Variants in TRPM3 observed in about 807,000 individuals in gnomAD.
TRPM3 encodes the protein long transient receptor potential channel 3.
TRPM3 carries 77 observed loss-of-function variants against 181.2 expected under a neutral mutation model. The ratio of observed to expected loss-of-function variants is 0.42; its 90% confidence interval spans 0.35 to 0.51. The LOEUF (loss-of-function observed/expected upper bound fraction) is 0.51. Among genes scored for constraint, TRPM3 ranks in the 20% least tolerant of loss-of-function variants. The pLI is 0.01. For missense variants in TRPM3, 1,759 were observed against 2,196.7 expected, an observed-to-expected ratio of 0.80 and a Z score of 3.98; for synonymous variants, 745 against 796.4, an observed-to-expected ratio of 0.94 and a Z score of 1.09.
chr9:71,029,324 C>A (rs1208386497), intron 1 of TRPM3, among the ~76,000 whole-genome samples: 1 of 152,034 alleles, frequency 6.6e-6, no homozygotes. Context: ...AAAGTACTCA[C>A]ATGAAGAGAG....
At chr9:71,249,940 T>C (rs925502343) in intron 1 of TRPM3, among the ~76,000 whole-genome samples, 6 of 152,230 alleles carry the variant, frequency 3.9e-5, no homozygotes, top group African/African-American at 1.4e-4. Flanking sequence ...CATCACCATC[T>C]GGTGGTCAAT....
chr9:71,286,965 A>ATATAATTATATTATATAATATAATTATAT (rs2085333100), intron 1 of TRPM3, among the ~76,000 whole-genome samples: 1 of 125,140 alleles, frequency 8.0e-6, no homozygotes, highest in Non-Finnish European at 1.7e-5. Flanking sequence ...TATAAATTAT[A>ATATAATTATATTATATAATATAATTATAT]TATAATATAA....
intron 1 of TRPM3, among the ~76,000 whole-genome samples, chr9:70,896,716 A>G (rs113106517): frequency 0.098 from 14,836 of 151,944 alleles, 948 homozygotes; most frequent in Non-Finnish European, 0.15. Context: ...ATAAAAGCCT[A>G]AAGTGTTCAT....
intron 1 of TRPM3, among the ~76,000 whole-genome samples, chr9:70,983,468 T>C (rs1023347098): frequency 2.0e-5 from 3 of 152,146 alleles, no homozygotes; most frequent in African/African-American, 7.2e-5. Flanking sequence ...GTGCCAGCAT[T>C]TTCTCTCTCT....
rs193300785 is a variant in TRPM3 at position 70,532,977 on chromosome 9, A to C, written c.*2976T>G. ...ATAACACACATACATGTGCACAGGA[A>C]GGAAATGGCTCATGGAAGTTACACA... On this transcript the variant is annotated 3_prime_UTR_variant, in exon 26 of 26. Transcript: ENST00000677713. 6.6e-6 allele frequency: 1 copy of C among 152,366 alleles called. No individual in the cohort carries two copies. Among genetic ancestry groups the C allele is most frequent in the Non-Finnish European group, 1.5e-5 (1 of 68,042 alleles). 9.4% of individuals were successfully genotyped at this position (152,366 alleles called of 1,614,324 possible). A position where few individuals can be genotyped will look rare whatever the true frequency, so the allele number is the denominator to read the frequency against.
chr9:71,307,832 C>T (rs897930347), intron 1 of TRPM3, among the ~76,000 whole-genome samples: 15 of 152,184 alleles, frequency 9.9e-5, no homozygotes, highest in African/African-American at 2.9e-4. Context: ...CAATTTGCTA[C>T]TATTATAAAT....
rs574256536 is a variant in TRPM3 at position 71,062,096 on chromosome 9, G to A, written c.177+59082C>T. Among the ~76,000 whole-genome samples the A allele has an allele frequency of 3.9e-5, 6 of 152,062 alleles. No individual in the cohort carries two copies. The South Asian group carries it at 1.0e-3, about 26-fold the overall frequency. On this transcript the variant is annotated intron_variant, in intron 1 of 25. Transcript: ENST00000677713. ...ACCCTAGAACCTAGAAATATCTTCC[G>A]TGGTCCACAGCTGGGTAATAAAAAT... is the stretch of plus-strand genomic sequence containing the variant.
intron 1 of TRPM3, among the ~76,000 whole-genome samples, chr9:71,142,623 G>A (rs2075175409): frequency 6.6e-6 from 1 of 151,968 alleles, no homozygotes; most frequent in African/African-American, 2.4e-5. Context: ...GTTATTAAAA[G>A]AACCATGCTA....
chr9:70,786,015 G>T (rs942641335), intron 6 of TRPM3, among the ~76,000 whole-genome samples: 4 of 152,126 alleles, frequency 2.6e-5, no homozygotes, highest in African/African-American at 7.2e-5. Context: ...GGAGAGGGAA[G>T]TGAAAGGCCT....
intron 7 of TRPM3, among the ~76,000 whole-genome samples, chr9:70,763,142 A>G (rs1166844293): frequency 6.6e-6 from 1 of 152,074 alleles, no homozygotes; most frequent in Non-Finnish European, 1.5e-5. Flanking sequence ...CGATCCTGGA[A>G]GGTCACTCAG....
At chr9:70,674,234 G>A (rs527568923) in intron 9 of TRPM3, among the ~76,000 whole-genome samples, 5 of 152,060 alleles carry the variant, frequency 3.3e-5, no homozygotes, top group Admixed American at 3.3e-4. Flanking sequence ...GGTTAAGCAA[G>A]GTAACTTCTC....
At chr9:70,826,334 A>G (rs903771784) in intron 6 of TRPM3, 24 of 152,326 alleles carry the variant, frequency 1.6e-4, no homozygotes, top group African/African-American at 5.3e-4. Context: ...TGGTCTCTGT[A>G]TATTTTCTAG....
intron 1 of TRPM3, among the ~76,000 whole-genome samples, chr9:71,036,113 T>C (rs1590860786): frequency 1.3e-5 from 2 of 152,072 alleles, no homozygotes; most frequent in East Asian, 3.9e-4. Flanking sequence ...AGTCTCTATC[T>C]TCTAAGCATT....
intron 1 of TRPM3, among the ~76,000 whole-genome samples, chr9:70,924,204 C>T (rs1360609767): frequency 6.6e-6 from 1 of 152,032 alleles, no homozygotes. Flanking sequence ...CCCCCACATA[C>T]CCAACAAAGA....
intron 1 of TRPM3, among the ~76,000 whole-genome samples, chr9:71,412,812 G>T (rs1565547910): frequency 1.3e-5 from 2 of 152,102 alleles, no homozygotes; most frequent in Non-Finnish European, 2.9e-5. Context: ...TGTTTATTGT[G>T]GCACTATTCA....
intron 1 of TRPM3, among the ~76,000 whole-genome samples, chr9:71,223,722 C>T (rs1286962655): frequency 1.3e-5 from 2 of 152,176 alleles, no homozygotes; most frequent in East Asian, 3.9e-4. Context: ...TACAATCTGA[C>T]TGAAGAATCC....
intron 1 of TRPM3, among the ~76,000 whole-genome samples, chr9:70,999,902 T>G (rs2134221814): frequency 6.6e-6 from 1 of 152,274 alleles, no homozygotes. Flanking sequence ...TGGGGGAAAG[T>G]GTGCTCTTTT....
intron 5 of TRPM3, among the ~76,000 whole-genome samples, chr9:70,840,718 A>G (rs554445459): frequency 6.6e-6 from 1 of 152,296 alleles, no homozygotes; most frequent in African/African-American, 2.4e-5. Flanking sequence ...TTCAACAGAT[A>G]AGTAAATGTA....
intron 1 of TRPM3, among the ~76,000 whole-genome samples, chr9:71,395,781 A>C (rs1015881720): frequency 1.3e-5 from 2 of 152,198 alleles, no homozygotes; most frequent in Admixed American, 1.3e-4. Flanking sequence ...CATATCAAAG[A>C]AAATGCCTTT....
Sources: allele counts gnomAD v4.1 joint callset (sites outside exome capture counted in the v4.1 genomes callset), GRCh38; gene constraint gnomAD v4.1.1; transcripts MANE v1.5; gene names NCBI Gene and HGNC (gene_info 2026-07-23, HGNC 2026-07-21).